Variants in EYA2 observed in about 807,000 individuals in gnomAD.
EYA2 encodes protein phosphatase EYA2.
In EYA2, 31 loss-of-function variants were observed where a neutral mutation model predicts 69.2. The observed-to-expected ratio is 0.45, with a 90% CI of 0.34 to 0.60. EYA2 has a LOEUF of 0.60. Ranked by LOEUF, EYA2 falls within the 20% of genes least tolerant of loss-of-function variation. The probability of loss-of-function intolerance (pLI) is 0.02; values close to 1 mark genes in which losing one functional copy is unlikely to be tolerated. For synonymous variants in EYA2, 257 were observed against 279.4 expected, an observed-to-expected ratio of 0.92 and a Z score of 0.80; for missense variants, 622 against 701.2, an observed-to-expected ratio of 0.89 and a Z score of 1.28.
chr20:47,162,549 G>T (rs759198753), intron 10 of EYA2, among the ~76,000 whole-genome samples: 153 of 115,610 alleles, frequency 1.3e-3, no homozygotes, highest in South Asian at 2.1e-3. Flanking sequence ...ACACAGTCTC[G>T]CCCTGTCACC....
At chr20:46,970,551 A>G (rs908563997) in intron 1 of EYA2, among the ~76,000 whole-genome samples, 2 of 152,216 alleles carry the variant, frequency 1.3e-5, no homozygotes, top group Non-Finnish European at 2.9e-5. Context: ...AATTTCTGAG[A>G]TAGAGAGACG....
Position 46,950,920 on chromosome 20 carries a change from G to A in EYA2, c.-10-39081G>A, listed in dbSNP as rs114443877. Among the ~76,000 whole-genome samples, 352 of 152,314 alleles carry A rather than the reference G, an allele frequency of 2.3e-3. 1 individual carries two copies. The highest frequency in any genetic ancestry group is 7.8e-3 in the African/African-American group (326 of 41,570). ...TAACAGAGGGTGTGTGATCCAGCAGGTTACTCCCTGAGCATCTAAGGCTAC... is the reference window on the plus strand; with the variant it reads ...TAACAGAGGGTGTGTGATCCAGCAGATTACTCCCTGAGCATCTAAGGCTAC... On this transcript the variant is annotated intron_variant, in intron 1 of 15. Coordinates refer to ENST00000327619, the MANE Select transcript of EYA2 (RefSeq NM_005244.5).
At chr20:47,028,873 G>C (rs548475728) in intron 5 of EYA2, among the ~76,000 whole-genome samples, 2 of 152,034 alleles carry the variant, frequency 1.3e-5, no homozygotes, top group East Asian at 3.9e-4. Flanking sequence ...CCTATATACC[G>C]GGGTAGCCCC....
At chr20:46,926,845 G>T (rs1985437415) in intron 1 of EYA2, among the ~76,000 whole-genome samples, 1 of 152,364 alleles carries the variant, frequency 6.6e-6, no homozygotes, top group South Asian at 2.1e-4. Context: ...GAGCAGAGTT[G>T]CCGTGGGCTC....
chr20:47,080,359 C>A (rs1036155567), intron 7 of EYA2, among the ~76,000 whole-genome samples: 49 of 150,054 alleles, frequency 3.3e-4, no homozygotes, highest in African/African-American at 1.1e-3. Context: ...GGGAAACTTA[C>A]AGCACGAAAT....
intron 4 of EYA2, 128 bp downstream of exon 4, chr20:47,005,212 G>C: frequency 9.5e-7 from 1 of 1,052,978 alleles, no homozygotes; most frequent in Non-Finnish European, 1.4e-6. Context: ...AGAGATAAAG[G>C]GAAAAGAGTA....
intron 5 of EYA2, among the ~76,000 whole-genome samples, chr20:47,026,582 A>G (rs141386607): frequency 1.5e-4 from 23 of 152,350 alleles, no homozygotes; most frequent in Admixed American, 1.4e-3. Context: ...AAGAAATGTT[A>G]CTTTTTCAAA....
intron 1 of EYA2, among the ~76,000 whole-genome samples, chr20:46,940,411 T>G (rs1428297614): frequency 6.6e-6 from 1 of 152,146 alleles, no homozygotes; most frequent in Non-Finnish European, 1.5e-5. Flanking sequence ...TCTGGTCCTG[T>G]GTGGAGAGCC....
At chr20:46,970,612 A>C (rs7275046) in intron 1 of EYA2, among the ~76,000 whole-genome samples, 2 of 152,160 alleles carry the variant, frequency 1.3e-5, no homozygotes, top group Non-Finnish European at 2.9e-5. Flanking sequence ...ACTGTGAATA[A>C]CCTGGATGTA....
At chr20:46,899,107 G>A (rs532854641) in intron 1 of EYA2, among the ~76,000 whole-genome samples, 1 of 152,300 alleles carries the variant, frequency 6.6e-6, no homozygotes, top group South Asian at 2.1e-4. Context: ...TGTTAACAAG[G>A]AAACTGAGTC....
intron 10 of EYA2, chr20:47,167,075 G>T (rs1472644724): frequency 1.3e-5 from 2 of 154,706 alleles, no homozygotes; most frequent in African/African-American, 4.8e-5. Flanking sequence ...CATCGTGTAG[G>T]CTCCACATGG....
intron 3 of EYA2, among the ~76,000 whole-genome samples, chr20:47,003,537 C>A (rs1251410491): frequency 6.6e-6 from 1 of 152,200 alleles, no homozygotes; most frequent in African/African-American, 2.4e-5. Context: ...GAAGACAAAG[C>A]GAGTGTGTTT....
intron 1 of EYA2, among the ~76,000 whole-genome samples, chr20:46,952,910 T>A (rs1394716122): frequency 1.3e-5 from 2 of 152,214 alleles, no homozygotes; most frequent in African/African-American, 4.8e-5. Context: ...AAACTCTCTA[T>A]CAGGAGTCGT....
intron 9 of EYA2, among the ~76,000 whole-genome samples, chr20:47,120,036 G>A (rs113768104): frequency 0.025 from 3,875 of 152,226 alleles, 166 homozygotes; most frequent in African/African-American, 0.088. Flanking sequence ...GTGAAACCCC[G>A]TCTATACTAA....
chr20:46,951,930 T>C (rs570670648), intron 1 of EYA2, among the ~76,000 whole-genome samples: 6 of 152,352 alleles, frequency 3.9e-5, no homozygotes, highest in African/African-American at 9.6e-5. Flanking sequence ...AGTTTCCCTC[T>C]CTCCCTCTTC....
intron 7 of EYA2, 91 bp downstream of exon 7, chr20:47,074,426 A>C: frequency 7.4e-7 from 1 of 1,352,824 alleles, no homozygotes; most frequent in Non-Finnish European, 1.0e-6. Context: ...ATTGTAACAA[A>C]CAGGTTACCC....
At chr20:47,187,901 G>A in intron 15 of EYA2, 152 bp from the exon 16 acceptor site, 1 of 729,368 alleles carries the variant, frequency 1.4e-6, no homozygotes, top group Non-Finnish European at 2.3e-6. Context: ...CCAGATGTGG[G>A]TCTGCCAGCA....
chr20:46,924,378 C>T, intron 1 of EYA2, among the ~76,000 whole-genome samples: 1 of 152,156 alleles, frequency 6.6e-6, no homozygotes, highest in South Asian at 2.1e-4. Flanking sequence ...TTCAGAAAGG[C>T]CCCAAGTGTA....
At chr20:47,176,281 T>C (rs979092474) in intron 12 of EYA2, among the ~76,000 whole-genome samples, 5 of 151,576 alleles carry the variant, frequency 3.3e-5, no homozygotes, top group Admixed American at 1.3e-4. Context: ...GGTTTCACCA[T>C]GTTGGCCAGG....
Sources: gnomAD v4.1 joint callset for allele counts (sites outside exome capture counted in the v4.1 genomes callset) on GRCh38, gnomAD v4.1.1 for gene constraint, MANE v1.5 for transcripts, NCBI Gene and HGNC (gene_info 2026-07-23, HGNC 2026-07-21) for gene names.